GALNT10: variants seen among roughly 807,000 people sequenced by gnomAD.
GALNT10 encodes polypeptide N-acetylgalactosaminyltransferase 10.
Under a neutral mutation model 75.0 loss-of-function variants are expected in GALNT10, and 41 were observed. The ratio of observed to expected loss-of-function variants is 0.55; its 90% CI spans 0.43 to 0.71. The LOEUF is 0.71. GALNT10 is among the 30% of genes least tolerant of loss of function. The pLI is 0.00. For synonymous variants in GALNT10, 302 were observed against 313.0 expected (o/e 0.96, Z 0.37); for missense variants, 727 against 818.5 (o/e 0.89, Z 1.36).
chr5:154,226,315 G>C (rs1753064609), intron 1 of GALNT10, among the ~76,000 whole-genome samples: 1 of 152,088 alleles, frequency 6.6e-6, no homozygotes, highest in Non-Finnish European at 1.5e-5. Context: ...TAGTATTACT[G>C]TTTTCTACAG....
At chr5:154,266,620 A>G (rs957905330) in intron 1 of GALNT10, among the ~76,000 whole-genome samples, 4 of 151,700 alleles carry the variant, frequency 2.6e-5, no homozygotes, top group Non-Finnish European at 4.4e-5. Context: ...CAAGTCTTTA[A>G]TTCTGGCACT....
At chr5:154,333,797 C>T (rs927737348) in intron 4 of GALNT10, among the ~76,000 whole-genome samples, 1 of 152,184 alleles carries the variant, frequency 6.6e-6, no homozygotes, top group African/African-American at 2.4e-5. Context: ...GCACCCAGCC[C>T]AGAGGAGGAC....
intron 4 of GALNT10, among the ~76,000 whole-genome samples, chr5:154,358,306 G>A (rs1755328192): frequency 6.7e-6 from 1 of 149,914 alleles, no homozygotes; most frequent in African/African-American, 2.5e-5. Context: ...CTCCAAGGCT[G>A]GTGCCATTTC....
At chr5:154,351,982 G>T (rs1324154538) in intron 4 of GALNT10, among the ~76,000 whole-genome samples, 1 of 152,186 alleles carries the variant, frequency 6.6e-6, no homozygotes, top group African/African-American at 2.4e-5. Flanking sequence ...ACCCCAACAG[G>T]AAGACATTAT....
chr5:154,324,906 C>T (rs983464931), intron 3 of GALNT10, among the ~76,000 whole-genome samples: 1 of 151,600 alleles, frequency 6.6e-6, no homozygotes, highest in Non-Finnish European at 1.5e-5. Flanking sequence ...GTGACCAAAT[C>T]GACTTGCTTA....
At chr5:154,359,661 C>T (rs530819052) in intron 4 of GALNT10, among the ~76,000 whole-genome samples, 5 of 151,898 alleles carry the variant, frequency 3.3e-5, no homozygotes, top group Admixed American at 1.3e-4. Flanking sequence ...ATGGCTTCCT[C>T]TTTGACAAGG....
intron 1 of GALNT10, among the ~76,000 whole-genome samples, chr5:154,284,867 G>T (rs1754089593): frequency 6.6e-6 from 1 of 152,136 alleles, no homozygotes; most frequent in African/African-American, 2.4e-5. Context: ...CTTTCATATC[G>T]ATTTTCTCTC....
intron 4 of GALNT10, among the ~76,000 whole-genome samples, chr5:154,336,670 A>ACCCT (rs1345971515): frequency 6.6e-6 from 1 of 151,378 alleles, no homozygotes; most frequent in African/African-American, 2.4e-5. Flanking sequence ...TCTTTTTCCT[A>ACCCT]CCCTCCCAAT....
chr5:154,380,540 G>A lies in GALNT10; in HGVS notation c.847G>A (p.Ala283Thr), dbSNP rs1755717748. ...DFRYETQAGD[A>T]MRGAFDWEMY... is the part of the protein sequence containing the mutation. ...TCGGTACGAGACACAGGCAGGGGAT[G>A]CCATGCGGGGAGCCTTTGACTGGGA... Residue 283 changes from alanine to threonine, a missense_variant, in exon 6 of 12, where the codon GCC (alanine) becomes ACC (threonine). By Grantham distance (58) the Ala-to-Thr change is moderately conservative (BLOSUM62 0). Coordinates refer to ENST00000297107, the MANE Select transcript of GALNT10 (RefSeq NM_198321.4). 2.5e-6 allele frequency: 4 copies of A among 1,613,750 alleles called. No homozygotes were observed. The highest frequency in any genetic ancestry group is 2.7e-5 in the African/African-American group (2 of 75,018).
chr5:154,310,362 T>C (rs764069706), intron 3 of GALNT10, among the ~76,000 whole-genome samples: 1 of 152,158 alleles, frequency 6.6e-6, no homozygotes, highest in Non-Finnish European at 1.5e-5. Flanking sequence ...GGGGAGGGCC[T>C]GTAGATGGAA....
intron 1 of GALNT10, among the ~76,000 whole-genome samples, chr5:154,207,198 CG>C (rs1775124669): frequency 6.6e-6 from 1 of 152,202 alleles, no homozygotes; most frequent in African/African-American, 2.4e-5. Context: ...GCGCAATATG[CG>C]TTCAAAAACT....
chr5:154,308,742 T>C (rs1754469599), intron 3 of GALNT10, among the ~76,000 whole-genome samples: 1 of 152,214 alleles, frequency 6.6e-6, no homozygotes, highest in African/African-American at 2.4e-5. Flanking sequence ...CAGCCAGCCC[T>C]TACTCAGGCT....
At chr5:154,407,724 C>T (rs1046792544) in intron 8 of GALNT10, among the ~76,000 whole-genome samples, 7 of 152,340 alleles carry the variant, frequency 4.6e-5, no homozygotes, top group Admixed American at 4.6e-4. Context: ...TCAACTTCCT[C>T]TAGCACAGTT....
At chr5:154,380,678 ACT>A (rs1755720626) in intron 6 of GALNT10, 47 bp downstream of exon 6, 2 of 1,306,340 alleles carry the variant, frequency 1.5e-6, no homozygotes, top group East Asian at 4.7e-5. Flanking sequence ...CCCAGTGACC[ACT>A]CCCAACACGC....
intron 1 of GALNT10, among the ~76,000 whole-genome samples, chr5:154,253,001 G>GTTTTT (rs1228485960): frequency 1.1e-5 from 1 of 90,254 alleles, no homozygotes; most frequent in African/African-American, 3.5e-5. Flanking sequence ...GTTTTTTAGT[G>GTTTTT]GTTTTTTTTT....
chr5:154,275,046 A>C (rs373755415), intron 1 of GALNT10, among the ~76,000 whole-genome samples: 2 of 152,312 alleles, frequency 1.3e-5, no homozygotes, highest in East Asian at 3.9e-4. Flanking sequence ...ACACTGGCTC[A>C]TTCCATGACC....
At chr5:154,299,897 C>T (rs1277921653) in intron 3 of GALNT10, among the ~76,000 whole-genome samples, 3 of 149,832 alleles carry the variant, frequency 2.0e-5, no homozygotes, top group Non-Finnish European at 3.0e-5. Context: ...TGCAGTGGCA[C>T]GATCTCAGCT....
intron 1 of GALNT10, among the ~76,000 whole-genome samples, chr5:154,207,354 G>T (rs915301773): frequency 6.6e-6 from 1 of 152,174 alleles, no homozygotes; most frequent in African/African-American, 2.4e-5. Context: ...GCCTTATCTG[G>T]TCTGGTTGCA....
At chr5:154,306,205 C>A (rs1754430672) in intron 3 of GALNT10, among the ~76,000 whole-genome samples, 1 of 152,076 alleles carries the variant, frequency 6.6e-6, no homozygotes, top group Non-Finnish European at 1.5e-5. Context: ...AACACTCCAA[C>A]CAATAAGAGC....
Sources: allele counts gnomAD v4.1 joint callset (sites outside exome capture counted in the v4.1 genomes callset), GRCh38; gene constraint gnomAD v4.1.1; transcripts MANE v1.5; gene names NCBI Gene and HGNC (gene_info 2026-07-23, HGNC 2026-07-21).